ZFYVE9: variants seen among roughly 807,000 people sequenced by gnomAD.
The protein encoded by ZFYVE9 is zinc finger FYVE domain-containing protein 9.
ZFYVE9 carries 43 observed loss-of-function variants against 126.7 expected under a neutral mutation model. That is an observed-to-expected ratio of 0.34 (90% CI 0.27 to 0.44). ZFYVE9 has a LOEUF of 0.44. ZFYVE9 is among the 20% of genes least tolerant of loss of function. ZFYVE9 has a pLI of 1.00. For missense variants in ZFYVE9, 1,476 were observed against 1,697.0 expected, an observed-to-expected ratio of 0.87 and a Z score of 2.29; for synonymous variants, 521 against 597.4, an observed-to-expected ratio of 0.87 and a Z score of 1.87.
rs1490663008 is a variant in ZFYVE9, at chr1:52,295,891, A to G, written c.3251-4A>G. On this transcript the variant is annotated splice_polypyrimidine_tract_variant and splice_region_variant and intron_variant, in intron 11 of 18. Transcript: ENST00000287727. ...TTAAGTTTGATCATTTCTCATTTCC[A>G]TAGTTTATCCATGCCCACTATTCAG... 1 of 1,611,240 alleles carries G rather than the reference A, an allele frequency of 6.2e-7. No homozygotes were observed. The highest frequency in any genetic ancestry group is 1.1e-5 in the South Asian group (1 of 90,286).
intron 16 of ZFYVE9, 136 bp downstream of exon 16, chr1:52,338,070 G>A (rs745600504): frequency 2.5e-4 from 284 of 1,140,978 alleles, no homozygotes; most frequent in Non-Finnish European, 3.2e-4. Context: ...TATGCTTAAC[G>A]TAGAATTTTA....
intron 7 of ZFYVE9, among the ~76,000 whole-genome samples, chr1:52,270,795 G>A (rs922893361): frequency 4.3e-5 from 6 of 139,458 alleles, no homozygotes; most frequent in African/African-American, 1.3e-4. Context: ...GTATTTGTCT[G>A]TTTTTTTTTT....
At chr1:52,319,820 C>G (rs1202771627) in intron 13 of ZFYVE9, among the ~76,000 whole-genome samples, 1 of 151,432 alleles carries the variant, frequency 6.6e-6, no homozygotes, top group Admixed American at 6.6e-5. Context: ...CGAGACCATC[C>G]TGGCCAACAT....
Position 52,205,470 on chromosome 1 carries a change from C to A in ZFYVE9, c.-142-10899C>A, listed in dbSNP as rs116281652. Among the ~76,000 whole-genome samples the A allele has an allele frequency of 8.6e-3, 1,310 of 152,108 alleles. 12 individuals are homozygous for A. The highest frequency in any genetic ancestry group is 0.029 in the African/African-American group (1,218 of 41,492). On this transcript the variant is annotated intron_variant, in intron 1 of 18. Transcript: ENST00000287727. ...ACCTTGAACTCTGGGCTCAAGCGAT[C>A]CTTCTGTCTCAGTCTCCTGAGTAGC...
rs566468003 is a variant in ZFYVE9 at position 52,162,868 on chromosome 1, G to T, written c.-143+20465G>T. On this transcript the variant is annotated intron_variant, in intron 1 of 18. Transcript: ENST00000287727. ...AATGCCTCCTTGACATTTTGATCTTGATCGAGAATGGGATTCAGAGTGTTT... is the reference window on the plus strand; with the variant it reads ...AATGCCTCCTTGACATTTTGATCTTTATCGAGAATGGGATTCAGAGTGTTT... 123 of 475,244 alleles carry T rather than the reference G, an allele frequency of 2.6e-4. 1 individual carries two copies. The highest frequency in any genetic ancestry group is 2.9e-4 in the Admixed American group (11 of 38,252). The allele number at this position is 475,244 out of a possible 1,614,324, so 29.4% of individuals were successfully genotyped here.
chr1:52,212,908 G>A (rs1645040609), intron 1 of ZFYVE9, among the ~76,000 whole-genome samples: 1 of 152,170 alleles, frequency 6.6e-6, no homozygotes, highest in Admixed American at 6.5e-5. Context: ...TGACATTTGA[G>A]TGGAATATTA....
intron 4 of ZFYVE9, among the ~76,000 whole-genome samples, chr1:52,246,799 C>G (rs1032114440): frequency 6.6e-6 from 1 of 151,224 alleles, no homozygotes; most frequent in Non-Finnish European, 1.5e-5. Context: ...CCTCTACCTC[C>G]TGGGTTCAAG....
intron 16 of ZFYVE9, among the ~76,000 whole-genome samples, chr1:52,339,201 A>C (rs1231472988): frequency 6.6e-6 from 1 of 152,130 alleles, no homozygotes; most frequent in African/African-American, 2.4e-5. Context: ...AGGAGTGATA[A>C]TTTAGCACTA....
At chr1:52,253,948 C>T in intron 4 of ZFYVE9, 1 of 891,340 alleles carries the variant, frequency 1.1e-6, no homozygotes, top group Admixed American at 1.7e-5. Context: ...AGAAATTCGG[C>T]AACTTGAATT....
intron 13 of ZFYVE9, among the ~76,000 whole-genome samples, chr1:52,328,709 T>C (rs945943024): frequency 1.3e-5 from 2 of 152,236 alleles, no homozygotes; most frequent in Non-Finnish European, 2.9e-5. Context: ...TTTCATGTGA[T>C]ACAAATGTAA....
Position 52,293,503 on chromosome 1 carries a change from G to A in ZFYVE9, c.3076G>A (p.Gly1026Ser). The A allele has an allele frequency of 6.2e-7, 1 of 1,613,580 alleles. No homozygotes were observed. Among genetic ancestry groups the A allele is most frequent in the Non-Finnish European group, 8.5e-7 (1 of 1,179,968 alleles). The stretch of plus-strand genomic sequence containing the variant: ...TTCCTTCTTCAGTCAAAGTTTCCTT[G>A]GCAGTAAAGAACATGGTGGATTCTT... ...GHSFFSQSFL[G>S]SKEHGGFLYV... is the part of the protein sequence containing the mutation. Residue 1026 changes from glycine (G) to serine (S), a missense_variant, in exon 11 of 19, where the codon GGC (glycine) becomes AGC (serine). Transcript: ENST00000287727.
At chr1:52,186,818 G>A (rs530855367) in intron 1 of ZFYVE9, among the ~76,000 whole-genome samples, 36 of 152,244 alleles carry the variant, frequency 2.4e-4, no homozygotes, top group African/African-American at 8.4e-4. Flanking sequence ...AGAAATCAGA[G>A]ATGACACAAA....
intron 1 of ZFYVE9, among the ~76,000 whole-genome samples, chr1:52,185,304 AAAC>A (rs1335503805): frequency 6.7e-6 from 1 of 148,824 alleles, no homozygotes; most frequent in Non-Finnish European, 1.5e-5. Context: ...GAAGAGAAAA[AAAC>A]AGGTAGAAGC....
intron 1 of ZFYVE9, among the ~76,000 whole-genome samples, chr1:52,174,774 C>G (rs1236851875): frequency 6.6e-6 from 1 of 152,062 alleles, no homozygotes; most frequent in African/African-American, 2.4e-5. Flanking sequence ...TTCTTTGTCT[C>G]TTTTGATCTT....
At chr1:52,334,623 G>C in intron 14 of ZFYVE9, 65 bp from the exon 15 acceptor site, 2 of 1,514,704 alleles carry the variant, frequency 1.3e-6, no homozygotes, top group Non-Finnish European at 1.8e-6. Flanking sequence ...TGAATATTTT[G>C]TTATTATTTT....
intron 13 of ZFYVE9, among the ~76,000 whole-genome samples, chr1:52,332,336 T>C (rs1339488521): frequency 6.6e-6 from 1 of 152,152 alleles, no homozygotes. Context: ...TTTCATATGT[T>C]TTTAGAGGGA....
intron 1 of ZFYVE9, among the ~76,000 whole-genome samples, chr1:52,201,893 C>T (rs2124570151): frequency 6.6e-6 from 1 of 152,064 alleles, no homozygotes; most frequent in East Asian, 1.9e-4. Context: ...AAGCAATTCT[C>T]ATGCCTCAGC....
chr1:52,344,723 A>C, intron 17 of ZFYVE9, 45 bp from the exon 18 acceptor site: 1 of 1,603,302 alleles, frequency 6.2e-7, no homozygotes, highest in Non-Finnish European at 8.5e-7. Context: ...TACTTCTCCC[A>C]AAATCTAGGC....
chr1:52,226,856 A>G (rs557657252), intron 2 of ZFYVE9, among the ~76,000 whole-genome samples: 11 of 152,338 alleles, frequency 7.2e-5, no homozygotes, highest in African/African-American at 2.4e-4. Context: ...ATTCTTTTGA[A>G]TTTCTGATTA....
Sources: gnomAD v4.1 joint callset for allele counts (sites outside exome capture counted in the v4.1 genomes callset) on GRCh38, gnomAD v4.1.1 for gene constraint, MANE v1.5 for transcripts, NCBI Gene and HGNC (gene_info 2026-07-23, HGNC 2026-07-21) for gene names.